The following ADAMTSL3 variants were observed in gnomAD, a reference collection of about 807,000 sequenced individuals.
ADAMTSL3 encodes the protein ADAMTS-like protein 3.
A neutral mutation model predicts 201.7 loss-of-function variants in ADAMTSL3; 128 were observed. That is an observed-to-expected ratio of 0.63 (90% CI 0.55 to 0.73). The LOEUF is 0.73. Ranked by LOEUF, ADAMTSL3 falls within the 30% of genes least tolerant of loss-of-function variation. The pLI is 0.00. For synonymous variants in ADAMTSL3, 738 were observed against 748.4 expected, an observed-to-expected ratio of 0.99 and a Z score of 0.23; for missense variants, 1,990 against 2,119.6, an observed-to-expected ratio of 0.94 and a Z score of 1.20.
intron 16 of ADAMTSL3, among the ~76,000 whole-genome samples, chr15:83,915,544 C>CTGTA (rs2066019647): frequency 6.6e-6 from 1 of 151,586 alleles, no homozygotes. Context: ...AATGCGCACA[C>CTGTA]TGTACAATTT....
intron 17 of ADAMTSL3, among the ~76,000 whole-genome samples, chr15:83,932,659 T>A (rs566067935): frequency 6.6e-6 from 1 of 152,206 alleles, no homozygotes; most frequent in African/African-American, 2.4e-5. Context: ...TATGTAGGAG[T>A]AGGGTTTATA....
chr15:84,021,371 C>T (rs900358892), intron 25 of ADAMTSL3, 39 bp from the exon 26 acceptor site: 1 of 1,610,140 alleles, frequency 6.2e-7, no homozygotes, highest in Non-Finnish European at 8.5e-7. Flanking sequence ...CGTCATTTCT[C>T]TTTTGGGGCT....
intron 3 of ADAMTSL3, among the ~76,000 whole-genome samples, chr15:83,724,861 T>C (rs976929877): frequency 6.6e-6 from 1 of 152,184 alleles, no homozygotes; most frequent in Non-Finnish European, 1.5e-5. Context: ...GTTTCATCCA[T>C]GTCATTGCAA....
chr15:83,783,865 G>C (rs928795168), intron 4 of ADAMTSL3, among the ~76,000 whole-genome samples: 4 of 151,626 alleles, frequency 2.6e-5, no homozygotes, highest in Non-Finnish European at 4.4e-5. Flanking sequence ...GTGTGTGTGT[G>C]TCTCCACATT....
intron 2 of ADAMTSL3, among the ~76,000 whole-genome samples, chr15:83,665,672 A>G (rs942311541): frequency 3.9e-5 from 6 of 152,228 alleles, no homozygotes; most frequent in Non-Finnish European, 5.9e-5. Flanking sequence ...TATTTTTACA[A>G]AGATGCTAAT....
chr15:84,026,011 T>G (rs879717758), intron 27 of ADAMTSL3, among the ~76,000 whole-genome samples: 2 of 152,216 alleles, frequency 1.3e-5, no homozygotes, highest in Non-Finnish European at 2.9e-5. Context: ...GAACTTTTTG[T>G]GGAATTAAAG....
At chr15:83,771,694 A>G (rs2062986717) in intron 3 of ADAMTSL3, among the ~76,000 whole-genome samples, 1 of 152,190 alleles carries the variant, frequency 6.6e-6, no homozygotes, top group Admixed American at 6.5e-5. Context: ...CTGTTGATGG[A>G]CATTGGGTTG....
intron 17 of ADAMTSL3, among the ~76,000 whole-genome samples, chr15:83,928,228 C>T (rs2066285848): frequency 1.3e-5 from 2 of 152,136 alleles, no homozygotes; most frequent in African/African-American, 2.4e-5. Flanking sequence ...TGGCTCACTA[C>T]AGCCTTGACC....
At chr15:83,947,672 T>G (rs2066679364) in intron 19 of ADAMTSL3, among the ~76,000 whole-genome samples, 1 of 152,222 alleles carries the variant, frequency 6.6e-6, no homozygotes, top group Admixed American at 6.5e-5. Flanking sequence ...GGTGTTTTTA[T>G]TTTTTCTACT....
At chr15:83,832,228 C>G (rs750137764) in intron 6 of ADAMTSL3, among the ~76,000 whole-genome samples, 87 of 152,056 alleles carry the variant, frequency 5.7e-4, no homozygotes, top group Non-Finnish European at 5.3e-4. Flanking sequence ...ACATGAGCTC[C>G]CCTTCCCACA....
intron 19 of ADAMTSL3, among the ~76,000 whole-genome samples, chr15:83,958,141 G>T (rs1472463694): frequency 3.9e-5 from 6 of 152,096 alleles, no homozygotes; most frequent in Non-Finnish European, 8.8e-5. Flanking sequence ...GGAGAGACAG[G>T]GCCAAGAGTT....
chr15:83,799,221 A>G (rs1244492286), intron 4 of ADAMTSL3, among the ~76,000 whole-genome samples: 3 of 152,200 alleles, frequency 2.0e-5, no homozygotes, highest in African/African-American at 7.2e-5. Context: ...AGCCATCCCA[A>G]AGCTTTAGAA....
At chr15:83,695,924 T>C (rs529662429) in intron 2 of ADAMTSL3, among the ~76,000 whole-genome samples, 2 of 152,234 alleles carry the variant, frequency 1.3e-5, no homozygotes, top group East Asian at 3.9e-4. Flanking sequence ...TGGTTTTTTT[T>C]TGAAGAAAAA....
At chr15:83,730,347 T>C (rs2141602348) in intron 3 of ADAMTSL3, among the ~76,000 whole-genome samples, 1 of 152,162 alleles carries the variant, frequency 6.6e-6, no homozygotes, top group South Asian at 2.1e-4. Context: ...ACCAAACCAA[T>C]GGATTTTACA....
intron 15 of ADAMTSL3, among the ~76,000 whole-genome samples, chr15:83,905,082 G>A (rs187195705): frequency 6.8e-4 from 103 of 152,312 alleles, no homozygotes; most frequent in African/African-American, 2.1e-3. Context: ...GGAAACAGGC[G>A]TAGAAACATA....
chr15:83,864,911 C>T (rs1232437366), intron 8 of ADAMTSL3, among the ~76,000 whole-genome samples: 1 of 152,204 alleles, frequency 6.6e-6, no homozygotes, highest in East Asian at 1.9e-4. Context: ...GCAACTTCAG[C>T]AAAGTCTCAG....
chr15:83,940,628 G>A (rs1480509989), intron 17 of ADAMTSL3, among the ~76,000 whole-genome samples: 10 of 152,140 alleles, frequency 6.6e-5, no homozygotes, highest in African/African-American at 1.7e-4. Flanking sequence ...ATTTGTTGGT[G>A]ACACAAACCT....
intron 2 of ADAMTSL3, among the ~76,000 whole-genome samples, chr15:83,666,271 T>A (rs1242522003): frequency 2.0e-5 from 3 of 152,226 alleles, no homozygotes; most frequent in Admixed American, 6.5e-5. Flanking sequence ...GTGTCATGCT[T>A]TATTGACCAA....
intron 23 of ADAMTSL3, among the ~76,000 whole-genome samples, chr15:84,012,138 A>C (rs1274398012): frequency 1.3e-5 from 2 of 152,180 alleles, no homozygotes; most frequent in African/African-American, 4.8e-5. Context: ...TTGGTTTTCT[A>C]TTGCTGCTGT....
Sources: allele counts gnomAD v4.1 joint callset (sites outside exome capture counted in the v4.1 genomes callset), GRCh38; gene constraint gnomAD v4.1.1; transcripts MANE v1.5; gene names NCBI Gene and HGNC (gene_info 2026-07-23, HGNC 2026-07-21).